The following USP43 variants were observed in gnomAD, a reference collection of about 807,000 sequenced individuals.
USP43 encodes ubiquitin specific peptidase 43.
In USP43, 33 loss-of-function variants were observed where a neutral mutation model predicts 90.7. The ratio of observed to expected loss-of-function variants is 0.36; its 90% CI spans 0.28 to 0.49. The LOEUF is 0.49. USP43 is among the 20% of genes least tolerant of loss of function. The pLI is 0.98. For missense variants in USP43, 1,274 were observed against 1,476.4 expected, an observed-to-expected ratio of 0.86 and a Z score of 2.25; for synonymous variants, 598 against 615.8, an observed-to-expected ratio of 0.97 and a Z score of 0.43.
intron 2 of USP43, among the ~76,000 whole-genome samples, chr17:9,657,363 C>T (rs1177635706): frequency 1.3e-5 from 2 of 151,824 alleles, no homozygotes; most frequent in Admixed American, 6.6e-5. Context: ...AAAAATGAGC[C>T]AGGTGTGGTG....
intron 1 of USP43, among the ~76,000 whole-genome samples, chr17:9,652,899 T>C (rs1911972733): frequency 6.6e-6 from 1 of 152,236 alleles, no homozygotes; most frequent in African/African-American, 2.4e-5. Context: ...TATTTTTCTA[T>C]CTATAAATAT....
chr17:9,696,479 G>A (rs1567669936), intron 9 of USP43, among the ~76,000 whole-genome samples: 1 of 151,984 alleles, frequency 6.6e-6, no homozygotes, highest in East Asian at 1.9e-4. Flanking sequence ...CTGCCTTTAG[G>A]CCAAAGTCTC....
intron 12 of USP43, among the ~76,000 whole-genome samples, chr17:9,703,313 C>T (rs753962503): frequency 2.0e-5 from 3 of 152,132 alleles, no homozygotes; most frequent in Non-Finnish European, 4.4e-5. Context: ...TCTATAAACT[C>T]ACAGGGTGGC....
chr17:9,691,824 G>GTC (rs1914970981), intron 8 of USP43, among the ~76,000 whole-genome samples: 1 of 152,018 alleles, frequency 6.6e-6, no homozygotes, highest in African/African-American at 2.4e-5. Context: ...CAAGGCGGAT[G>GTC]AGGTCAGGAG....
chr17:9,724,295 A>G (rs1431571367), intron 14 of USP43, among the ~76,000 whole-genome samples: 1 of 152,064 alleles, frequency 6.6e-6, no homozygotes, highest in Non-Finnish European at 1.5e-5. Context: ...GGACCAGAGG[A>G]AAGTTGGGGG....
chr17:9,645,974 G>C lies in USP43; in HGVS notation c.342G>C (p.Ala114=). 6.8e-7 allele frequency: 1 copy of C among 1,476,836 alleles called. No individual in the cohort carries two copies. The highest frequency in any genetic ancestry group is 9.0e-7 in the Non-Finnish European group (1 of 1,117,194). 91.5% of individuals were successfully genotyped at this position (1,476,836 alleles called of 1,614,324 possible). ...ACGGCAACACCTGTTTCATGAACGC[G>C]GTGGTGCAGTGTCTCAGCAACACCG... ...KNHGNTCFMN[A]VVQCLSNTDL... Residue 114 remains alanine (A), a synonymous_variant, in exon 1 of 15, where the codon GCG becomes GCC. Coordinates refer to ENST00000285199, the MANE Select transcript of USP43 (RefSeq NM_153210.5). This position sits in a 1 kb window ranked among gnomAD's most constrained non-coding sequence, Gnocchi z 6.8.
chr17:9,715,415 T>C (rs1467662653), intron 14 of USP43, among the ~76,000 whole-genome samples: 1 of 152,144 alleles, frequency 6.6e-6, no homozygotes, highest in African/African-American at 2.4e-5. Context: ...AGCACACCAC[T>C]GCACTCCGGC....
chr17:9,683,084 T>A, intron 7 of USP43, 126 bp downstream of exon 7: 2 of 1,265,318 alleles, frequency 1.6e-6, no homozygotes, highest in Non-Finnish European at 2.1e-6. Flanking sequence ...AGAAGTAGGG[T>A]CCTTTCTGAT....
intron 9 of USP43, among the ~76,000 whole-genome samples, chr17:9,696,789 C>T (rs1261611534): frequency 6.6e-6 from 1 of 152,264 alleles, no homozygotes; most frequent in Admixed American, 6.5e-5. Flanking sequence ...GGCCCTGCCT[C>T]TCCCATGTGG....
intron 1 of USP43, among the ~76,000 whole-genome samples, chr17:9,648,868 T>G (rs993315458): frequency 6.6e-6 from 1 of 151,790 alleles, no homozygotes; most frequent in Non-Finnish European, 1.5e-5. Context: ...TCTCTCTCTC[T>G]TTTCCTTCCT....
chr17:9,675,350 T>TGAG (rs1215823832), intron 4 of USP43, among the ~76,000 whole-genome samples: 3 of 152,112 alleles, frequency 2.0e-5, no homozygotes, highest in Admixed American at 6.5e-5. Flanking sequence ...AAAAATCTAT[T>TGAG]TTCTTCTTTG....
intron 8 of USP43, among the ~76,000 whole-genome samples, chr17:9,688,208 C>G (rs1055010421): frequency 6.6e-6 from 1 of 151,574 alleles, no homozygotes; most frequent in African/African-American, 2.4e-5. Flanking sequence ...AGGATGGTCT[C>G]GATCTCTTGA....
intron 1 of USP43, among the ~76,000 whole-genome samples, chr17:9,655,749 A>G (rs1912197329): frequency 6.6e-6 from 1 of 152,226 alleles, no homozygotes; most frequent in Non-Finnish European, 1.5e-5. Flanking sequence ...TTGGCACTCA[A>G]TGCATATTTA....
chr17:9,681,152 A>C (rs1241625670), intron 6 of USP43, among the ~76,000 whole-genome samples: 2 of 89,274 alleles, frequency 2.2e-5, no homozygotes, highest in Non-Finnish European at 4.0e-5. Flanking sequence ...ATACTATATA[A>C]TATATACTAT....
intron 12 of USP43, among the ~76,000 whole-genome samples, chr17:9,702,169 T>TAGGCA (rs1377385918): frequency 2.0e-5 from 3 of 151,494 alleles, no homozygotes; most frequent in Admixed American, 6.6e-5. Context: ...AAGACCAGCC[T>TAGGCA]AGGCAACAAA....
In USP43 at chr17:9,700,223, G is replaced by A. The variant is rs1036284261; in HGVS notation, c.1509G>A (p.Val503=). ...PGGPPHVKLA[V]EWDSSVKERL... is the part of the protein sequence containing the mutation. ...GCCCTCCACATGTCAAGCTGGCGGT[G>A]GAGTGGGATAGCTCTGTCAAGGAGC... Residue 503 remains valine (V), a synonymous_variant, in exon 10 of 15, where the codon GTG becomes GTA. Transcript: ENST00000285199. 1 of 1,604,992 alleles carries A rather than the reference G, an allele frequency of 6.2e-7. No individual in the cohort carries two copies.
chr17:9,686,965 G>C lies in USP43; in HGVS notation c.1353+56G>C. Reference sequence around the variant, plus strand: ...TGCGTGCATGCGCATGTGCATGCGTGTGTGTGGGTGTGTGTATTGGGAGGG... The same window carrying C: ...TGCGTGCATGCGCATGTGCATGCGTCTGTGTGGGTGTGTGTATTGGGAGGG... On this transcript the variant is annotated intron_variant, in intron 8 of 14. Transcript: ENST00000285199. The surrounding 1 kb of genome is among the most constrained non-coding windows in gnomAD (Gnocchi z 5.5). 1 of 1,476,142 alleles carries C rather than the reference G, an allele frequency of 6.8e-7. No homozygotes were observed. The allele number at this position is 1,476,142 out of a possible 1,614,324, so 91.4% of individuals were successfully genotyped here.
At chr17:9,677,568 C>A (rs935766812) in intron 5 of USP43, among the ~76,000 whole-genome samples, 2 of 152,168 alleles carry the variant, frequency 1.3e-5, no homozygotes, top group Non-Finnish European at 2.9e-5. Context: ...CCTGGAGGGG[C>A]CCTCATGAGG....
chr17:9,688,842 G>A (rs897899034), intron 8 of USP43, among the ~76,000 whole-genome samples: 4 of 151,922 alleles, frequency 2.6e-5, no homozygotes, highest in African/African-American at 4.8e-5. Context: ...GTATGGTACC[G>A]TACCCAGCTA....
Sources: gnomAD v4.1 joint callset for allele counts (sites outside exome capture counted in the v4.1 genomes callset) on GRCh38, gnomAD v4.1.1 for gene constraint, Gnocchi (gnomAD v3.1) non-coding constraint, MANE v1.5 for transcripts, NCBI Gene and HGNC (gene_info 2026-07-23, HGNC 2026-07-21) for gene names.